CACNA2D1: variants seen among roughly 807,000 people sequenced by gnomAD.
CACNA2D1 encodes the protein calcium voltage-gated channel auxiliary subunit alpha2delta 1, also known as voltage-dependent calcium channel subunit alpha-2/delta-1.
CACNA2D1 carries 53 observed loss-of-function variants against 171.5 expected under a neutral mutation model. The observed-to-expected ratio is 0.31, with a 90% CI of 0.25 to 0.39. The LOEUF (loss-of-function observed/expected upper bound fraction) is 0.39, where lower values mean the gene tolerates loss of function less well. CACNA2D1 is among the 10% of genes least tolerant of loss of function. The pLI is 1.00. For synonymous variants in CACNA2D1, 442 were observed against 443.1 expected, an observed-to-expected ratio of 1.00 and a Z score of 0.03; for missense variants, 903 against 1,299.8, an observed-to-expected ratio of 0.69 and a Z score of 4.69.
chr7:82,074,476 C>T (rs973481885), intron 7 of CACNA2D1, among the ~76,000 whole-genome samples: 6 of 152,166 alleles, frequency 3.9e-5, no homozygotes, highest in African/African-American at 1.2e-4. Context: ...GATCCTCCCT[C>T]CTTGGCCTCC....
intron 3 of CACNA2D1, among the ~76,000 whole-genome samples, chr7:82,312,730 T>G (rs1814633419): frequency 6.6e-6 from 1 of 151,792 alleles, no homozygotes; most frequent in Non-Finnish European, 1.5e-5. Context: ...GATAGTGTTT[T>G]GCCATGTTGG....
intron 3 of CACNA2D1, among the ~76,000 whole-genome samples, chr7:82,208,429 T>C (rs916167792): frequency 6.6e-6 from 1 of 152,108 alleles, no homozygotes; most frequent in Non-Finnish European, 1.5e-5. Flanking sequence ...TATTTCTGCA[T>C]CACAGAGGCT....
intron 8 of CACNA2D1, among the ~76,000 whole-genome samples, chr7:82,066,023 A>T (rs1807556589): frequency 1.3e-5 from 2 of 152,110 alleles, no homozygotes; most frequent in Admixed American, 6.6e-5. Context: ...TTGGAAAAAA[A>T]ATTAAACCTA....
intron 3 of CACNA2D1, among the ~76,000 whole-genome samples, chr7:82,308,335 G>T (rs1813990729): frequency 6.6e-6 from 1 of 152,094 alleles, no homozygotes; most frequent in African/African-American, 2.4e-5. Flanking sequence ...CACATAAAGG[G>T]ATCAAAAAGG....
rs550990040 is a variant in CACNA2D1 at position 81,961,582 on chromosome 7, TTAAAATA to T, written c.2966+305_2966+311del. On this transcript the variant is annotated intron_variant, in intron 36 of 38. Transcript: ENST00000356860. ...ATATGGGTTATTTTAGGAAAAAAAG[TTAAAATA>T]TAATCAAATTTCTCTATGTTCTGCC... Among the ~76,000 whole-genome samples the T allele has an allele frequency of 2.0e-3, 307 of 151,788 alleles. 1 individual carries two copies. The highest frequency in any genetic ancestry group is 7.1e-3 in the African/African-American group (294 of 41,520).
intron 6 of CACNA2D1, among the ~76,000 whole-genome samples, chr7:82,101,418 G>C (rs1243215976): frequency 6.6e-6 from 1 of 152,088 alleles, no homozygotes; most frequent in Non-Finnish European, 1.5e-5. Context: ...TTCAACAAAT[G>C]AAAGTCAGTA....
chr7:82,064,070 T>C (rs779644668), intron 9 of CACNA2D1, among the ~76,000 whole-genome samples: 3 of 151,990 alleles, frequency 2.0e-5, no homozygotes, highest in Non-Finnish European at 4.4e-5. Context: ...TTTAACATTA[T>C]ATGATATGTA....
intron 1 of CACNA2D1, among the ~76,000 whole-genome samples, chr7:82,430,516 A>G (rs1829589529): frequency 6.6e-6 from 1 of 152,024 alleles, no homozygotes; most frequent in Non-Finnish European, 1.5e-5. Flanking sequence ...GTATTAATGT[A>G]TTGGTTAATC....
At chr7:82,270,055 T>C (rs941887814) in intron 3 of CACNA2D1, among the ~76,000 whole-genome samples, 1 of 152,206 alleles carries the variant, frequency 6.6e-6, no homozygotes, top group Non-Finnish European at 1.5e-5. Context: ...TGCATCATTG[T>C]TCTGCCCTTC....
intron 3 of CACNA2D1, among the ~76,000 whole-genome samples, chr7:82,278,915 A>G (rs1809716232): frequency 6.6e-6 from 1 of 152,206 alleles, no homozygotes; most frequent in Non-Finnish European, 1.5e-5. Context: ...TGTCAACAGA[A>G]CACATGAATT....
intron 3 of CACNA2D1, among the ~76,000 whole-genome samples, chr7:82,248,944 T>C (rs906903070): frequency 6.6e-6 from 1 of 151,932 alleles, no homozygotes; most frequent in African/African-American, 2.4e-5. Context: ...GGTGAAACCC[T>C]GTCTCTACTA....
chr7:82,423,052 C>T (rs1451442913), intron 1 of CACNA2D1, among the ~76,000 whole-genome samples: 1 of 152,008 alleles, frequency 6.6e-6, no homozygotes, highest in African/African-American at 2.4e-5. Context: ...TTTTAATTGC[C>T]TTTTGCAAGA....
At chr7:82,058,377 T>A (rs908592870) in intron 10 of CACNA2D1, among the ~76,000 whole-genome samples, 1 of 152,186 alleles carries the variant, frequency 6.6e-6, no homozygotes, top group Non-Finnish European at 1.5e-5. Flanking sequence ...CACCTAGATG[T>A]CAAATCTGCA....
intron 38 of CACNA2D1, among the ~76,000 whole-genome samples, chr7:81,957,198 G>GTATATCTGTCTCTGTAAT (rs1206872189): frequency 1.3e-5 from 2 of 152,020 alleles, no homozygotes; most frequent in Admixed American, 1.3e-4. Context: ...CATGAAGCCT[G>GTATATCTGTCTCTGTAAT]TATATCTGTC....
intron 3 of CACNA2D1, among the ~76,000 whole-genome samples, chr7:82,207,311 A>T (rs1474396548): frequency 6.6e-6 from 1 of 152,136 alleles, no homozygotes; most frequent in Non-Finnish European, 1.5e-5. Flanking sequence ...TCTTAGAAAA[A>T]TTCCCTCTCT....
At chr7:82,195,339 A>C (rs1306617273) in intron 3 of CACNA2D1, among the ~76,000 whole-genome samples, 1 of 151,908 alleles carries the variant, frequency 6.6e-6, no homozygotes, top group East Asian at 1.9e-4. Flanking sequence ...GTATTAGGGA[A>C]GGTTCCATTG....
chr7:82,310,165 T>A (rs1814252022), intron 3 of CACNA2D1, among the ~76,000 whole-genome samples: 1 of 151,992 alleles, frequency 6.6e-6, no homozygotes, highest in South Asian at 2.1e-4. Flanking sequence ...CAAACACTGA[T>A]ATGAAACAGT....
At chr7:82,218,416 G>C (rs1801399554) in intron 3 of CACNA2D1, among the ~76,000 whole-genome samples, 1 of 152,156 alleles carries the variant, frequency 6.6e-6, no homozygotes, top group South Asian at 2.1e-4. Flanking sequence ...CCAAGAAGCA[G>C]TAAGCCTGAA....
intron 3 of CACNA2D1, among the ~76,000 whole-genome samples, chr7:82,205,753 C>A (rs1247142184): frequency 6.6e-6 from 1 of 152,094 alleles, no homozygotes; most frequent in Non-Finnish European, 1.5e-5. Flanking sequence ...ATAAATTCAA[C>A]TCATGTAATG....
Sources: allele counts gnomAD v4.1 joint callset (sites outside exome capture counted in the v4.1 genomes callset), GRCh38; gene constraint gnomAD v4.1.1; transcripts MANE v1.5; gene names NCBI Gene and HGNC (gene_info 2026-07-23, HGNC 2026-07-21).